RPGRIP1L: variants seen among roughly 807,000 people sequenced by gnomAD.
RPGRIP1L encodes protein fantom.
A neutral mutation model predicts 160.4 loss-of-function variants in RPGRIP1L; 131 were observed. The ratio of observed to expected loss-of-function variants is 0.82; its 90% CI spans 0.71 to 0.94. The LOEUF is 0.94. Among genes scored for constraint, RPGRIP1L ranks in the 40% least tolerant of loss-of-function variants. The probability of loss-of-function intolerance (pLI) is 0.00; values close to 1 mark genes in which losing one functional copy is unlikely to be tolerated. For missense variants in RPGRIP1L, 1,522 were observed against 1,535.8 expected (o/e 0.99, Z 0.15); for synonymous variants, 510 against 515.8 (o/e 0.99, Z 0.15).
chr16:53,645,784 T>C lies in RPGRIP1L; in HGVS notation c.2524A>G (p.Met842Val). Residue 842 changes from methionine (M) to valine (V), a missense_variant, in exon 17 of 27, where the codon ATG becomes GTG. By Grantham distance (21) the Met-to-Val change is conservative (BLOSUM62 1). Transcript: ENST00000647211. ...ATATTCATTGGCACTGGGAAATACATATGATCATCAAACTGTGGATCATTG... is the reference window on the plus strand; with the variant it reads ...ATATTCATTGGCACTGGGAAATACACATGATCATCAAACTGTGGATCATTG... ...SSNDPQFDDH[M>V]YFPVPMNMDL... 1 of 1,614,144 alleles carries C rather than the reference T, an allele frequency of 6.2e-7. No homozygotes were observed. The highest frequency in any genetic ancestry group is 8.5e-7 in the Non-Finnish European group (1 of 1,180,004).
In RPGRIP1L at chr16:53,615,463, TA is replaced by T. The variant is rs1964304574; in HGVS notation, c.3616+3561del. On this transcript the variant is annotated intron_variant, in intron 24 of 26. Coordinates refer to ENST00000647211, the MANE Select transcript of RPGRIP1L (RefSeq NM_015272.5). ...TGGTATTTCTAAGAATATATATATA[TA>T]TATATATATTTTTTTTTTTTTTTTT... 7.3e-5 allele frequency among the ~76,000 whole-genome samples: 5 copies of T among 68,718 alleles called. No individual in the cohort carries two copies. In the South Asian group the frequency reaches 2.0e-3, roughly 28 times the overall value. The allele number at this position is 68,718 out of a possible 152,430, so 45.1% of individuals were successfully genotyped here.
At chr16:53,631,640 A>G (rs979582650) in intron 22 of RPGRIP1L, among the ~76,000 whole-genome samples, 10 of 152,162 alleles carry the variant, frequency 6.6e-5, no homozygotes, top group African/African-American at 2.4e-4. Context: ...ATTATACATC[A>G]AATTTATACT....
At chr16:53,622,467 A>G (rs1170658806) in intron 22 of RPGRIP1L, 111 bp from the exon 23 acceptor site, 1 of 517,924 alleles carries the variant, frequency 1.9e-6, no homozygotes, top group East Asian at 3.1e-5. Context: ...CCTCTCCCCC[A>G]ATCCTATTCA....
chr16:53,626,620 C>T (rs780208956), intron 22 of RPGRIP1L, among the ~76,000 whole-genome samples: 1 of 151,956 alleles, frequency 6.6e-6, no homozygotes, highest in African/African-American at 2.4e-5. Flanking sequence ...GCCTGGCCAA[C>T]ATGGTGAAAC....
intron 6 of RPGRIP1L, 46 bp from the exon 7 acceptor site, chr16:53,675,168 C>T: frequency 7.7e-7 from 1 of 1,306,018 alleles, no homozygotes; most frequent in South Asian, 1.2e-5. Flanking sequence ...GTAAAAAACG[C>T]AAGTTAGAAG....
rs1393329540 is a variant in RPGRIP1L at position 53,645,925 on chromosome 16, T to C, written c.2383A>G (p.Thr795Ala). ...TDGNLNELHI[T>A]IRCCNHLQSR... ...TGCAGGTGGTTGCAACATCTTATTG[T>C]AATGTGAAGTTCATTTAAGTTGCCA... The change falls in exon 17 of 27, where the codon ACA (threonine) becomes GCA (alanine). Residue 795 changes from threonine (T) to alanine (A), a missense_variant. By Grantham distance (58) the Thr-to-Ala change is moderately conservative. Transcript: ENST00000647211. 1 of 1,614,170 alleles carries C rather than the reference T, an allele frequency of 6.2e-7. No individual in the cohort carries two copies. Among genetic ancestry groups the C allele is most frequent in the East Asian group, 2.2e-5 (1 of 44,876 alleles).
At chr16:53,644,087 A>G (rs1270282557) in intron 17 of RPGRIP1L, among the ~76,000 whole-genome samples, 1 of 152,096 alleles carries the variant, frequency 6.6e-6, no homozygotes, top group Non-Finnish European at 1.5e-5. Context: ...TTAGCTGCTC[A>G]GGAGGCTGAG....
chr16:53,623,974 C>T (rs1964905663), intron 22 of RPGRIP1L, among the ~76,000 whole-genome samples: 1 of 152,196 alleles, frequency 6.6e-6, no homozygotes, highest in East Asian at 1.9e-4. Context: ...TCACTGCAGC[C>T]TCAATCTCCC....
At chr16:53,656,706 T>C (rs1357099855) in intron 13 of RPGRIP1L, 117 bp from the exon 14 acceptor site, 12 of 787,406 alleles carry the variant, frequency 1.5e-5, no homozygotes, top group African/African-American at 8.5e-5. Context: ...CTATGAACCA[T>C]GGTTTCCTGA....
intron 19 of RPGRIP1L, among the ~76,000 whole-genome samples, chr16:53,640,690 T>C (rs1966153289): frequency 6.6e-6 from 1 of 151,870 alleles, no homozygotes. Flanking sequence ...TTAGTAAGAG[T>C]AGTTTTATGA....
At chr16:53,687,223 C>T (rs528288142) in intron 5 of RPGRIP1L, among the ~76,000 whole-genome samples, 1 of 152,232 alleles carries the variant, frequency 6.6e-6, no homozygotes, top group South Asian at 2.1e-4. Flanking sequence ...TACTGTGCGC[C>T]ATGTTTTCTT....
At chr16:53,619,430 T>C (rs1964577430) in intron 23 of RPGRIP1L, among the ~76,000 whole-genome samples, 1 of 152,242 alleles carries the variant, frequency 6.6e-6, no homozygotes, top group African/African-American at 2.4e-5. Context: ...AACAGTGTCA[T>C]GGCAATAGTC....
intron 23 of RPGRIP1L, among the ~76,000 whole-genome samples, chr16:53,619,667 T>C (rs533165241): frequency 6.6e-6 from 1 of 152,346 alleles, no homozygotes; most frequent in East Asian, 1.9e-4. Flanking sequence ...ATTATGCTAA[T>C]ATATGTAGCT....
chr16:53,632,498 G>A (rs569956926), intron 22 of RPGRIP1L, among the ~76,000 whole-genome samples: 6 of 152,144 alleles, frequency 3.9e-5, no homozygotes, highest in East Asian at 3.9e-4. Context: ...TTTTGTATTC[G>A]TGGATCTATT....
chr16:53,637,967 A>G, intron 20 of RPGRIP1L, 113 bp from the exon 21 acceptor site: 1 of 1,021,670 alleles, frequency 9.8e-7, no homozygotes, highest in Non-Finnish European at 1.5e-6. Context: ...TTAAATATAC[A>G]GATATGTAAT....
intron 5 of RPGRIP1L, 34 bp from the exon 6 acceptor site, chr16:53,686,610 T>C (rs1970035281): frequency 6.2e-7 from 1 of 1,611,508 alleles, no homozygotes; most frequent in Non-Finnish European, 8.5e-7. Context: ...AACTTGTAGT[T>C]TGAGGAAAAT....
Position 53,672,897 on chromosome 16 carries a change from C to A in RPGRIP1L, c.1002G>T (p.Met334Ile). ...CTTCTATTCTTCTTTCAGAAAACTT[C>A]ATAGAATGTAATTGTTTCTCAAGAC... ...CCSLEKQLHSMKFSERRIEEL... is the reference protein window; with the variant it reads ...CCSLEKQLHSIKFSERRIEEL... Residue 334 changes from methionine to isoleucine, a missense_variant, in exon 8 of 27, where the codon ATG (methionine) becomes ATT (isoleucine). Coordinates refer to ENST00000647211, the MANE Select transcript of RPGRIP1L (RefSeq NM_015272.5). The A allele has an allele frequency of 6.2e-7, 1 of 1,612,944 alleles. No homozygotes were observed. Among genetic ancestry groups the A allele is most frequent in the Non-Finnish European group, 8.5e-7 (1 of 1,179,428 alleles).
chr16:53,649,341 A>C (rs1007337331), intron 15 of RPGRIP1L, among the ~76,000 whole-genome samples: 2 of 152,228 alleles, frequency 1.3e-5, no homozygotes, highest in Non-Finnish European at 2.9e-5. Flanking sequence ...GAACTACATC[A>C]AACTATGTTT....
In RPGRIP1L at chr16:53,687,906, C is replaced by T; in HGVS notation, c.589G>A (p.Gly197Ser). The change falls in exon 5 of 27, where the codon GGC becomes AGC. Residue 197 changes from glycine to serine, a missense_variant. Physicochemically the swap from Gly to Ser is moderately conservative, Grantham distance 56 (BLOSUM62 0). Coordinates refer to ENST00000647211, the MANE Select transcript of RPGRIP1L (RefSeq NM_015272.5). Reference protein sequence around the residue: ...ETPHPMFTKYGNSLLEEARGE... With the variant: ...ETPHPMFTKYSNSLLEEARGE... ...CTGGCTTCTTCAAGTAAACTGTTGCCATATTTTGTAAACATGGGATGTGGA... is the reference window on the plus strand; with the variant it reads ...CTGGCTTCTTCAAGTAAACTGTTGCTATATTTTGTAAACATGGGATGTGGA... 1 of 1,611,776 alleles carries T rather than the reference C, an allele frequency of 6.2e-7. No homozygotes were observed. The highest frequency in any genetic ancestry group is 8.5e-7 in the Non-Finnish European group (1 of 1,178,364).
Sources: allele counts gnomAD v4.1 joint callset (sites outside exome capture counted in the v4.1 genomes callset), GRCh38; gene constraint gnomAD v4.1.1; transcripts MANE v1.5; gene names NCBI Gene and HGNC (gene_info 2026-07-23, HGNC 2026-07-21).